Variants in CBLB observed in about 807,000 individuals in gnomAD.
CBLB encodes Cbl proto-oncogene B.
A neutral mutation model predicts 104.9 loss-of-function variants in CBLB; 31 were observed. The ratio of observed to expected loss-of-function variants is 0.30; its 90% CI spans 0.22 to 0.40. CBLB has a LOEUF of 0.40. CBLB is among the 10% of genes least tolerant of loss of function. CBLB has a pLI of 1.00. For synonymous variants in CBLB, 440 were observed against 422.6 expected (o/e 1.04, Z -0.51); for missense variants, 1,062 against 1,214.6 (o/e 0.87, Z 1.87).
chr3:105,688,057 T>C (rs929602627), intron 13 of CBLB, among the ~76,000 whole-genome samples: 3 of 152,096 alleles, frequency 2.0e-5, no homozygotes, highest in Non-Finnish European at 4.4e-5. Flanking sequence ...TATCTATCCA[T>C]GTATGTGACA....
chr3:105,657,251 T>C lies in CBLB; in HGVS notation c.*1719A>G, dbSNP rs1399327890. The stretch of plus-strand genomic sequence containing the variant: ...ATTAATTTCCACCAGATCTACTAGA[T>C]GTTCAGTCATGTCCTTTCAGGTCCT... On this transcript the variant is annotated 3_prime_UTR_variant, in exon 19 of 19. Transcript: ENST00000394030. The C allele has an allele frequency of 4.5e-6, 1 of 220,308 alleles. No homozygotes were observed. Among genetic ancestry groups the C allele is most frequent in the African/African-American group, 2.2e-5 (1 of 44,676 alleles). 13.6% of individuals were successfully genotyped at this position (220,308 alleles called of 1,614,324 possible).
At chr3:105,850,446 G>A (rs2090799259) in intron 3 of CBLB, among the ~76,000 whole-genome samples, 1 of 152,054 alleles carries the variant, frequency 6.6e-6, no homozygotes, top group Non-Finnish European at 1.5e-5. Context: ...ATACAGAGAG[G>A]TTAAGAGTCT....
intron 3 of CBLB, among the ~76,000 whole-genome samples, chr3:105,809,109 A>C (rs1044304457): frequency 3.9e-5 from 6 of 152,250 alleles, no homozygotes; most frequent in Non-Finnish European, 8.8e-5. Context: ...TATCTGGATA[A>C]ACCAATGCAA....
At chr3:105,827,106 C>T (rs2086703705) in intron 3 of CBLB, among the ~76,000 whole-genome samples, 1 of 152,068 alleles carries the variant, frequency 6.6e-6, no homozygotes, top group African/African-American at 2.4e-5. Flanking sequence ...AATTTTTCCC[C>T]ACCTAGAGCT....
chr3:105,659,514 T>C (rs550919512), intron 18 of CBLB, among the ~76,000 whole-genome samples: 1 of 152,152 alleles, frequency 6.6e-6, no homozygotes, highest in Non-Finnish European at 1.5e-5. Flanking sequence ...GTCAGAGAGA[T>C]AGAGAAAGGA....
chr3:105,767,675 G>C (rs1039321521), intron 4 of CBLB, among the ~76,000 whole-genome samples: 14 of 150,756 alleles, frequency 9.3e-5, no homozygotes, highest in African/African-American at 3.4e-4. Context: ...GTTTCAATTG[G>C]TTAATTATTC....
At chr3:105,718,728 T>C (rs1576582011) in intron 10 of CBLB, among the ~76,000 whole-genome samples, 1 of 152,102 alleles carries the variant, frequency 6.6e-6, no homozygotes, top group Non-Finnish European at 1.5e-5. Flanking sequence ...TCAGCGGCGG[T>C]AAGTATCATG....
intron 7 of CBLB, among the ~76,000 whole-genome samples, chr3:105,739,292 G>C (rs2075285801): frequency 6.6e-6 from 1 of 150,538 alleles, no homozygotes; most frequent in Admixed American, 6.6e-5. Flanking sequence ...TTTCTTTTTT[G>C]CAATTACTTT....
chr3:105,771,351 C>T (rs1214532859), intron 4 of CBLB, among the ~76,000 whole-genome samples: 1 of 152,002 alleles, frequency 6.6e-6, no homozygotes, highest in Non-Finnish European at 1.5e-5. Context: ...TTTATAATCC[C>T]TCAACAAAAT....
intron 3 of CBLB, among the ~76,000 whole-genome samples, chr3:105,811,987 G>A (rs1418749001): frequency 6.6e-6 from 1 of 152,122 alleles, no homozygotes; most frequent in Non-Finnish European, 1.5e-5. Context: ...ACAGGCATGA[G>A]CCACCGCACC....
At chr3:105,678,625 A>C (rs2065933286) in intron 16 of CBLB, 54 bp from the exon 17 acceptor site, 3 of 1,519,888 alleles carry the variant, frequency 2.0e-6, no homozygotes. Context: ...ATCAAAATAC[A>C]CAGCATCTAA....
At chr3:105,830,713 A>G (rs2087369154) in intron 3 of CBLB, among the ~76,000 whole-genome samples, 1 of 152,254 alleles carries the variant, frequency 6.6e-6, no homozygotes, top group Non-Finnish European at 1.5e-5. Context: ...GACACATGCC[A>G]TGTAATGGAA....
intron 3 of CBLB, among the ~76,000 whole-genome samples, chr3:105,783,364 G>C (rs1272962486): frequency 6.6e-6 from 1 of 152,104 alleles, no homozygotes; most frequent in African/African-American, 2.4e-5. Context: ...TATCACAGTA[G>C]CATTTCTTCT....
At chr3:105,828,120 C>T (rs927394560) in intron 3 of CBLB, among the ~76,000 whole-genome samples, 2 of 152,164 alleles carry the variant, frequency 1.3e-5, no homozygotes, top group African/African-American at 4.8e-5. Context: ...GTTGAGATGA[C>T]TCATAACCCT....
chr3:105,868,857 G>A lies in CBLB; in HGVS notation c.-136C>T. On this transcript the variant is annotated 5_prime_UTR_variant, in exon 1 of 19. Transcript: ENST00000394030. ...GGATCGCTGAGAACAGCTCGCTCCC[G>A]AAGAAGGAGCAACCCAGCGCGCAGG... 1 of 1,008,710 alleles carries A rather than the reference G, an allele frequency of 9.9e-7. No individual in the cohort carries two copies. The highest frequency in any genetic ancestry group is 1.2e-6 in the Non-Finnish European group (1 of 845,872). 62.5% of individuals were successfully genotyped at this position (1,008,710 alleles called of 1,614,324 possible). A position where few individuals can be genotyped will look rare whatever the true frequency, so the allele number is the denominator to read the frequency against.
At chr3:105,809,679 CCAAGCTGCCCCAG>C (rs1251280731) in intron 3 of CBLB, among the ~76,000 whole-genome samples, 2 of 152,108 alleles carry the variant, frequency 1.3e-5, no homozygotes, top group Non-Finnish European at 2.9e-5. Context: ...TGTATAAACC[CCAAGCTGCCCCAG>C]CAAGCTGCCA....
chr3:105,764,381 A>G (rs1218017658), intron 4 of CBLB, among the ~76,000 whole-genome samples: 1 of 152,212 alleles, frequency 6.6e-6, no homozygotes, highest in Admixed American at 6.5e-5. Flanking sequence ...AATTGCTGTC[A>G]TATCACAATT....
chr3:105,806,737 T>C (rs887800168), intron 3 of CBLB, among the ~76,000 whole-genome samples: 9 of 152,084 alleles, frequency 5.9e-5, no homozygotes, highest in African/African-American at 1.4e-4. Context: ...AATTGATGGA[T>C]AGAAATGCAC....
intron 4 of CBLB, chr3:105,762,434 C>T (rs1458685345): frequency 1.3e-5 from 2 of 152,248 alleles, no homozygotes; most frequent in Non-Finnish European, 2.9e-5. Flanking sequence ...TGGCTGTACC[C>T]AAGGCCTTGC....
Sources: gnomAD v4.1 joint callset for allele counts (sites outside exome capture counted in the v4.1 genomes callset) on GRCh38, gnomAD v4.1.1 for gene constraint, MANE v1.5 for transcripts, NCBI Gene and HGNC (gene_info 2026-07-23, HGNC 2026-07-21) for gene names.